Variants in P4HA3 observed in about 807,000 individuals in gnomAD.
P4HA3 encodes prolyl 4-hydroxylase subunit alpha 3.
In P4HA3, 60 loss-of-function variants were observed where a neutral mutation model predicts 66.7. The observed-to-expected ratio is 0.90, with a 90% confidence interval of 0.73 to 1.12. P4HA3 has a LOEUF of 1.12. Among genes scored for constraint, P4HA3 ranks in the 50% most tolerant of loss-of-function variants. The probability of loss-of-function intolerance (pLI) is 0.00; values close to 1 mark genes in which losing one functional copy is unlikely to be tolerated. For synonymous variants in P4HA3, 263 were observed against 274.6 expected, an observed-to-expected ratio of 0.96 and a Z score of 0.42; for missense variants, 683 against 685.8, an observed-to-expected ratio of 1.00 and a Z score of 0.05.
intron 3 of P4HA3, among the ~76,000 whole-genome samples, chr11:74,299,687 C>G (rs978812158): frequency 2.1e-3 from 291 of 140,292 alleles, no homozygotes; most frequent in African/African-American, 7.5e-3. Context: ...AAAAAAACAA[C>G]AGAAAATATC....
intron 2 of P4HA3, among the ~76,000 whole-genome samples, chr11:74,302,962 T>A (rs1411153170): frequency 3.9e-5 from 6 of 152,136 alleles, no homozygotes; most frequent in Non-Finnish European, 8.8e-5. Context: ...TCTTTCTTTC[T>A]TTTAATAGAG....
intron 9 of P4HA3, 91 bp downstream of exon 9, chr11:74,276,894 T>G: frequency 7.7e-7 from 1 of 1,293,258 alleles, no homozygotes; most frequent in Non-Finnish European, 1.0e-6. Context: ...CACTTAGTAT[T>G]CCCTGAGAGC....
Position 74,251,915 on chromosome 11 carries a change from G to A in P4HA3, c.*1319-3914C>T, listed in dbSNP as rs553283714. On this transcript the variant is annotated intron_variant and NMD_transcript_variant, in intron 15 of 15. Coordinates refer to the P4HA3 transcript ENST00000524388. ...TTGTTTCTTTGTGCTGTGCTCCCAC[G>A]GGTTGATGCTGAGGCTGTGATTAAA... 31 of 768,450 alleles carry A rather than the reference G, an allele frequency of 4.0e-5. No individual in the cohort carries two copies. The East Asian group carries it at 6.6e-4, about 16-fold the overall frequency. The allele number at this position is 768,450 out of a possible 1,614,324, so 47.6% of individuals were successfully genotyped here. A position where few individuals can be genotyped will look rare whatever the true frequency, so the allele number is the denominator to read the frequency against.
intron 1 of P4HA3, among the ~76,000 whole-genome samples, chr11:74,307,034 C>G (rs569321083): frequency 6.6e-6 from 1 of 152,232 alleles, no homozygotes; most frequent in South Asian, 2.1e-4. Context: ...CAAGCGGAGA[C>G]TTGGGCTTGA....
At chr11:74,305,783 C>A (rs572715250) in intron 1 of P4HA3, among the ~76,000 whole-genome samples, 12 of 152,178 alleles carry the variant, frequency 7.9e-5, no homozygotes, top group African/African-American at 2.9e-4. Flanking sequence ...AAATTCAATA[C>A]ATATTTCTAT....
At chr11:74,283,276 G>A (rs76465410) in intron 7 of P4HA3, among the ~76,000 whole-genome samples, 6,345 of 152,126 alleles carry the variant, frequency 0.042, 176 homozygotes, top group Non-Finnish European at 0.066. Flanking sequence ...CACTTCTCCC[G>A]TTACCATGGC....
At chr11:74,284,730 T>C (rs948679532) in intron 7 of P4HA3, among the ~76,000 whole-genome samples, 3 of 152,138 alleles carry the variant, frequency 2.0e-5, no homozygotes, top group Admixed American at 2.0e-4. Context: ...TCTCTGGGGC[T>C]GCTGATGCCT....
chr11:74,299,396 C>T (rs1399246423), intron 3 of P4HA3, among the ~76,000 whole-genome samples: 2 of 152,186 alleles, frequency 1.3e-5, no homozygotes, highest in Non-Finnish European at 2.9e-5. Context: ...TGCAATTCTG[C>T]AGCCTAAACA....
intron 15 of P4HA3, chr11:74,250,773 T>G (rs1281574138): frequency 3.4e-6 from 2 of 579,886 alleles, no homozygotes; most frequent in Non-Finnish European, 6.2e-6. Flanking sequence ...GGGAAATGAT[T>G]GGCGCAAGGT....
intron 5 of P4HA3, chr11:74,287,116 C>T (rs908603056): frequency 1.7e-6 from 2 of 1,195,932 alleles, no homozygotes; most frequent in Non-Finnish European, 2.1e-6. Context: ...TTGTGCCCAC[C>T]TGTTTGTACC....
chr11:74,293,443 T>G (rs907697663), intron 4 of P4HA3, among the ~76,000 whole-genome samples: 3 of 152,232 alleles, frequency 2.0e-5, no homozygotes, highest in African/African-American at 7.2e-5. Flanking sequence ...TTAGCCCATT[T>G]ACATTTAAGG....
At chr11:74,291,237 C>A (rs1429545711) in intron 4 of P4HA3, among the ~76,000 whole-genome samples, 1 of 152,142 alleles carries the variant, frequency 6.6e-6, no homozygotes, top group Non-Finnish European at 1.5e-5. Flanking sequence ...CATGATTTGG[C>A]TCTCTGTTTG....
chr11:74,299,622 A>T (rs1861337339), intron 3 of P4HA3, among the ~76,000 whole-genome samples: 1 of 151,858 alleles, frequency 6.6e-6, no homozygotes, highest in Non-Finnish European at 1.5e-5. Context: ...ACAAATTCGG[A>T]CACTTTGAAT....
chr11:74,278,625 C>T (rs997281040), intron 8 of P4HA3, among the ~76,000 whole-genome samples: 2 of 152,200 alleles, frequency 1.3e-5, no homozygotes, highest in African/African-American at 4.8e-5. Flanking sequence ...AATTTTCTCT[C>T]TGACACTAGA....
chr11:74,253,793 G>A (rs1565399128), intron 15 of P4HA3: 2 of 546,116 alleles, frequency 3.7e-6, no homozygotes, highest in Admixed American at 6.5e-5. Context: ...CGTTGCCTAG[G>A]GTAAAGCCTC....
chr11:74,285,159 A>G (rs1199936220), intron 7 of P4HA3, among the ~76,000 whole-genome samples: 1 of 152,140 alleles, frequency 6.6e-6, no homozygotes, highest in Non-Finnish European at 1.5e-5. Context: ...AAAATATCTT[A>G]TTGTACTACA....
rs1270209816 is a variant in P4HA3, at chr11:74,287,290, C to T, written c.770-899G>A. On this transcript the variant is annotated intron_variant, in intron 5 of 12. Coordinates refer to ENST00000331597, the MANE Select transcript of P4HA3 (RefSeq NM_182904.5). ...AGTGTGCTTCTAACCACAACCATCA[C>T]CCTGGCAAAGGAGGAAAGGAAGGGG... The T allele has an allele frequency of 3.1e-6, 4 of 1,289,258 alleles. No homozygotes were observed. In the Admixed American group the frequency reaches 6.9e-5, roughly 22 times the overall value. The allele number at this position is 1,289,258 out of a possible 1,614,324, so 79.9% of individuals were successfully genotyped here.
At chr11:74,262,517 TCCC>T (rs1000974042), downstream of P4HA3, among the ~76,000 whole-genome samples, 1 of 152,082 alleles carries the variant, frequency 6.6e-6, no homozygotes. Context: ...GGGGAGACTT[TCCC>T]CCAAGCTCCA....
At chr11:74,300,898 G>C (rs1861386742) in intron 3 of P4HA3, among the ~76,000 whole-genome samples, 1 of 152,152 alleles carries the variant, frequency 6.6e-6, no homozygotes, top group Admixed American at 6.5e-5. Context: ...TGGATCAACA[G>C]TTTGTGGTAT....
Sources: allele counts gnomAD v4.1 joint callset (sites outside exome capture counted in the v4.1 genomes callset), GRCh38; gene constraint gnomAD v4.1.1; transcripts MANE v1.5; gene names NCBI Gene and HGNC (gene_info 2026-07-23, HGNC 2026-07-21).